TSEN2: variants seen among roughly 807,000 people sequenced by gnomAD.
TSEN2 encodes the protein tRNA splicing endonuclease subunit 2.
TSEN2 carries 54 observed loss-of-function variants against 59.2 expected under a neutral mutation model. The observed-to-expected ratio is 0.91, with a 90% CI of 0.73 to 1.14. The LOEUF (loss-of-function observed/expected upper bound fraction) is 1.14. TSEN2 is among the 50% of genes most tolerant of loss of function. The pLI is 0.00. For missense variants in TSEN2, 636 were observed against 576.2 expected (o/e 1.10, Z -1.06); for synonymous variants, 195 against 198.2 (o/e 0.98, Z 0.14).
chr3:12,506,787 G>A (rs1016080706), intron 6 of TSEN2: 2 of 985,248 alleles, frequency 2.0e-6, no homozygotes, highest in African/African-American at 3.5e-5. Flanking sequence ...CTCTGTGATG[G>A]CTTTCTTTGA....
intron 8 of TSEN2, among the ~76,000 whole-genome samples, chr3:12,522,854 C>G (rs1163154595): frequency 6.6e-6 from 1 of 152,288 alleles, no homozygotes; most frequent in Admixed American, 6.5e-5. Flanking sequence ...CTGGGGAAGC[C>G]AGGCCAGAAG....
rs139606291 is a variant in TSEN2 at position 12,499,810 on chromosome 3, T to C, written c.308+3256T>C. On this transcript the variant is annotated intron_variant, in intron 4 of 11. Coordinates refer to ENST00000284995, the MANE Select transcript of TSEN2 (RefSeq NM_025265.4). ...TCCTGTTCTTATCCATCTTCCACAA[T>C]TGGAAGAACTGAACACAGGGAAGTG... Among the ~76,000 whole-genome samples, 3 of 152,210 alleles carry C rather than the reference T, an allele frequency of 2.0e-5. No homozygotes were observed. In the East Asian group the frequency reaches 5.8e-4, roughly 29 times the overall value.
chr3:12,514,879 T>G (rs2055892529), intron 6 of TSEN2: 1 of 152,180 alleles, frequency 6.6e-6, no homozygotes, highest in Non-Finnish European at 1.5e-5. Context: ...AATAACTAAT[T>G]TTCCAAAACA....
Position 12,489,809 on chromosome 3 carries a change from A to G in TSEN2, c.9A>G (p.Glu3=). Residue 3 remains glutamate, a synonymous_variant, in exon 2 of 12, where the codon GAA becomes GAG. Coordinates refer to ENST00000284995, the MANE Select transcript of TSEN2 (RefSeq NM_025265.4). MA[E]AVFHAPKRKR... ...AATACCTCCTCTGAAAAATGGCAGA[A>G]GCAGTTTTCCATGCCCCAAAGAGGA... 1 of 1,613,488 alleles carries G rather than the reference A, an allele frequency of 6.2e-7. No individual in the cohort carries two copies.
intron 3 of TSEN2, among the ~76,000 whole-genome samples, chr3:12,492,950 C>G (rs528028650): frequency 1.3e-5 from 2 of 152,358 alleles, no homozygotes; most frequent in South Asian, 2.1e-4. Flanking sequence ...TCTCTTTCCT[C>G]AGTCCCTGGT....
chr3:12,490,586 TA>T (rs1212657977), intron 2 of TSEN2, among the ~76,000 whole-genome samples: 2 of 152,244 alleles, frequency 1.3e-5, no homozygotes, highest in Non-Finnish European at 2.9e-5. Flanking sequence ...TGGGCATTTT[TA>T]AAAAACAGCT....
chr3:12,498,721 C>G (rs1339924335), intron 4 of TSEN2, among the ~76,000 whole-genome samples: 1 of 152,112 alleles, frequency 6.6e-6, no homozygotes, highest in East Asian at 1.9e-4. Context: ...CAGCTCATTT[C>G]CCCGTGTGAA....
intron 4 of TSEN2, among the ~76,000 whole-genome samples, chr3:12,496,971 C>G (rs990197007): frequency 6.6e-6 from 1 of 152,094 alleles, no homozygotes; most frequent in Admixed American, 6.6e-5. Flanking sequence ...TAGACATTCC[C>G]GGAACGTTTC....
chr3:12,508,270 T>C (rs1195942422), intron 6 of TSEN2, among the ~76,000 whole-genome samples: 2 of 152,200 alleles, frequency 1.3e-5, no homozygotes, highest in African/African-American at 2.4e-5. Flanking sequence ...CACCCCCTGA[T>C]GAAAGGCAAG....
intron 10 of TSEN2, chr3:12,530,830 C>T (rs149549882): frequency 2.2e-6 from 2 of 901,668 alleles, no homozygotes; most frequent in African/African-American, 1.8e-5. Context: ...ATAACAAAAC[C>T]GTTTTTTCTT....
At chr3:12,498,894 A>T (rs568169353) in intron 4 of TSEN2, among the ~76,000 whole-genome samples, 3 of 152,308 alleles carry the variant, frequency 2.0e-5, no homozygotes, top group East Asian at 3.9e-4. Context: ...ATATTTTTAG[A>T]TTAATTTTTC....
At chr3:12,499,662 C>T (rs1043717830) in intron 4 of TSEN2, among the ~76,000 whole-genome samples, 2 of 152,138 alleles carry the variant, frequency 1.3e-5, no homozygotes, top group Non-Finnish European at 2.9e-5. Flanking sequence ...AGCGCCAGAG[C>T]CTGGGAGACA....
At chr3:12,527,291 TG>T (rs2057159329) in intron 8 of TSEN2, among the ~76,000 whole-genome samples, 1 of 152,148 alleles carries the variant, frequency 6.6e-6, no homozygotes, top group Non-Finnish European at 1.5e-5. Context: ...GTGTCGTCCT[TG>T]GGGCCCTATA....
intron 3 of TSEN2, among the ~76,000 whole-genome samples, chr3:12,492,935 ATTCCTCTCT>A (rs1247890012): frequency 6.6e-5 from 10 of 152,058 alleles, no homozygotes; most frequent in Non-Finnish European, 1.5e-4. Context: ...CTTTTCCCCC[ATTCCTCTCT>A]TTCCTCAGTC....
rs2057585945 is a variant in TSEN2, at chr3:12,533,498, C to G, written c.*777C>G. ...TGGGCAACATGGTGAAACCTCCTCT[C>G]TACTAACAAAAATTATCCAAGCATT... is the stretch of plus-strand genomic sequence containing the variant. On this transcript the variant is annotated 3_prime_UTR_variant, in exon 12 of 12. Transcript: ENST00000284995. 1 of 152,056 alleles carries G rather than the reference C, an allele frequency of 6.6e-6. No individual in the cohort carries two copies. The highest frequency in any genetic ancestry group is 2.4e-5 in the African/African-American group (1 of 41,332). The allele number at this position is 152,056 out of a possible 1,614,324, so 9.4% of individuals were successfully genotyped here. A position where few individuals can be genotyped will look rare whatever the true frequency, so the allele number is the denominator to read the frequency against.
Position 12,503,837 on chromosome 3 carries a change from G to A in TSEN2, c.831+53G>A, listed in dbSNP as rs543407832. 3.2e-6 allele frequency: 5 copies of A among 1,580,582 alleles called. No homozygotes were observed. The African/African-American group carries it at 4.0e-5, about 13-fold the overall frequency. On this transcript the variant is annotated intron_variant, in intron 5 of 11. Coordinates refer to ENST00000284995, the MANE Select transcript of TSEN2 (RefSeq NM_025265.4). Reference sequence around the variant, plus strand: ...TCCAAAGCCATCCGTTCCTGGAGATGTTGGCTAATAGGGATGTCTTTTGCC... The same window carrying A: ...TCCAAAGCCATCCGTTCCTGGAGATATTGGCTAATAGGGATGTCTTTTGCC...
At chr3:12,521,854 A>T (rs1200967802) in intron 8 of TSEN2, among the ~76,000 whole-genome samples, 1 of 152,082 alleles carries the variant, frequency 6.6e-6, no homozygotes, top group African/African-American at 2.4e-5. Flanking sequence ...TACTAAAAAT[A>T]CAAAAAATTA....
intron 8 of TSEN2, among the ~76,000 whole-genome samples, chr3:12,522,493 C>T (rs2056729755): frequency 6.6e-6 from 1 of 152,176 alleles, no homozygotes; most frequent in Non-Finnish European, 1.5e-5. Context: ...GGTTCTTGAG[C>T]AGTGCTAGTC....
intron 6 of TSEN2, chr3:12,506,945 A>G (rs1247289970): frequency 2.4e-6 from 2 of 849,122 alleles, no homozygotes; most frequent in African/African-American, 1.8e-5. Context: ...CTGTAATCCC[A>G]GCACTTTGGG....
Sources: gnomAD v4.1 joint callset for allele counts (sites outside exome capture counted in the v4.1 genomes callset) on GRCh38, gnomAD v4.1.1 for gene constraint, MANE v1.5 for transcripts, NCBI Gene and HGNC (gene_info 2026-07-23, HGNC 2026-07-21) for gene names.